The following CAMTA1 variants were observed in gnomAD, a reference collection of about 807,000 sequenced individuals.
CAMTA1 encodes the protein calmodulin-binding transcription activator 1.
In CAMTA1, 27 loss-of-function variants were observed where a neutral mutation model predicts 170.9. The ratio of observed to expected loss-of-function variants is 0.16; its 90% CI spans 0.12 to 0.22. CAMTA1 has a LOEUF of 0.22. Among genes scored for constraint, CAMTA1 ranks in the 10% least tolerant of loss-of-function variants. The pLI is 1.00. For missense variants in CAMTA1, 1,619 were observed against 2,217.2 expected (o/e 0.73, Z 5.42); for synonymous variants, 833 against 891.5 (o/e 0.93, Z 1.17).
At chr1:7,647,281 G>GC (rs1332042749) in intron 7 of CAMTA1, among the ~76,000 whole-genome samples, 1 of 151,908 alleles carries the variant, frequency 6.6e-6, no homozygotes, top group Non-Finnish European at 1.5e-5. Flanking sequence ...ATCCAGAAGG[G>GC]GGGGGGGCTG....
intron 12 of CAMTA1, among the ~76,000 whole-genome samples, chr1:7,735,595 A>G (rs559747233): frequency 9.5e-4 from 145 of 152,148 alleles, no homozygotes; most frequent in African/African-American, 3.2e-3. Flanking sequence ...TTTTTGTTTA[A>G]GGCTGTGTAC....
At chr1:7,563,252 A>G (rs2094984973) in intron 6 of CAMTA1, among the ~76,000 whole-genome samples, 1 of 152,124 alleles carries the variant, frequency 6.6e-6, no homozygotes, top group South Asian at 2.1e-4. Context: ...TACCTGCCAG[A>G]GTCTTCCGCG....
chr1:7,266,465 T>C (rs571322819), intron 5 of CAMTA1, among the ~76,000 whole-genome samples: 1 of 152,346 alleles, frequency 6.6e-6, no homozygotes, highest in African/African-American at 2.4e-5. Flanking sequence ...CTTCCCTGCA[T>C]CCATTTATTG....
chr1:7,646,125 G>A (rs368997812), intron 7 of CAMTA1, among the ~76,000 whole-genome samples: 19 of 151,252 alleles, frequency 1.3e-4, no homozygotes, highest in African/African-American at 3.4e-4. Context: ...AAGTGTGAGC[G>A]GAGGCCCCGT....
intron 6 of CAMTA1, among the ~76,000 whole-genome samples, chr1:7,499,870 G>T (rs1232310669): frequency 6.9e-6 from 1 of 144,712 alleles, no homozygotes; most frequent in Non-Finnish European, 1.5e-5. Context: ...GTATATAGAG[G>T]ATTGTGTGAG....
intron 11 of CAMTA1, among the ~76,000 whole-genome samples, chr1:7,692,529 G>A (rs1001070259): frequency 6.6e-6 from 1 of 152,076 alleles, no homozygotes; most frequent in African/African-American, 2.4e-5. Context: ...ACGAAAGAAA[G>A]AATGAATGAA....
intron 7 of CAMTA1, among the ~76,000 whole-genome samples, chr1:7,647,738 T>C (rs1253165900): frequency 6.6e-6 from 1 of 152,126 alleles, no homozygotes; most frequent in Non-Finnish European, 1.5e-5. Context: ...CGAGCCTGAC[T>C]AGGAACAGGT....
chr1:7,021,195 G>A (rs950199376), intron 3 of CAMTA1, among the ~76,000 whole-genome samples: 4 of 152,230 alleles, frequency 2.6e-5, no homozygotes, highest in African/African-American at 9.6e-5. Flanking sequence ...TTACATGGGT[G>A]GCTTCTGAAC....
At chr1:7,460,992 G>C (rs1388365984) in intron 5 of CAMTA1, among the ~76,000 whole-genome samples, 2 of 152,136 alleles carry the variant, frequency 1.3e-5, no homozygotes, top group African/African-American at 2.4e-5. Flanking sequence ...TGCTAGGACT[G>C]GGGCAGGGCT....
At chr1:7,275,083 A>G (rs1670373316) in intron 5 of CAMTA1, among the ~76,000 whole-genome samples, 1 of 140,990 alleles carries the variant, frequency 7.1e-6, no homozygotes, top group African/African-American at 2.6e-5. Flanking sequence ...CGGAGGTTGC[A>G]GTGAGCCGAG....
At chr1:7,412,820 A>G (rs1290561941) in intron 5 of CAMTA1, among the ~76,000 whole-genome samples, 1 of 152,146 alleles carries the variant, frequency 6.6e-6, no homozygotes, top group African/African-American at 2.4e-5. Flanking sequence ...TTAGACATGA[A>G]GTCCTTGCCC....
At chr1:7,182,144 C>G (rs1262894816) in intron 4 of CAMTA1, among the ~76,000 whole-genome samples, 1 of 151,966 alleles carries the variant, frequency 6.6e-6, no homozygotes, top group Non-Finnish European at 1.5e-5. Flanking sequence ...CCGGGATGAC[C>G]AGGCAGCCTT....
At chr1:7,039,204 T>C (rs1704066603) in intron 3 of CAMTA1, among the ~76,000 whole-genome samples, 1 of 152,214 alleles carries the variant, frequency 6.6e-6, no homozygotes, top group South Asian at 2.1e-4. Flanking sequence ...CCATTTAATA[T>C]ACTGTTGGAG....
chr1:7,316,148 T>C (rs1185493606), intron 5 of CAMTA1, among the ~76,000 whole-genome samples: 1 of 152,110 alleles, frequency 6.6e-6, no homozygotes, highest in East Asian at 1.9e-4. Context: ...CCTGCGGTGA[T>C]CCAATTACCT....
At chr1:6,826,678 T>G (rs187465600) in intron 3 of CAMTA1, among the ~76,000 whole-genome samples, 1 of 152,372 alleles carries the variant, frequency 6.6e-6, no homozygotes, top group African/African-American at 2.4e-5. Flanking sequence ...TTTTCCATAT[T>G]ATATTTCCTG....
chr1:7,125,969 G>C (rs1644909734), intron 4 of CAMTA1, among the ~76,000 whole-genome samples: 1 of 152,142 alleles, frequency 6.6e-6, no homozygotes, highest in Admixed American at 6.5e-5. Context: ...AGGTTTTAAT[G>C]AACTGACAGT....
At chr1:7,411,814 T>C (rs1225329863) in intron 5 of CAMTA1, among the ~76,000 whole-genome samples, 1 of 152,054 alleles carries the variant, frequency 6.6e-6, no homozygotes, top group Non-Finnish European at 1.5e-5. Flanking sequence ...ATGTGCAGGT[T>C]TGTTACATAT....
At position 7,276,303 on chromosome 1, in the gene CAMTA1, A is replaced by ATAATTTTTT; in HGVS notation, c.438+26678_438+26679insAATTTTTTT. Among the ~76,000 whole-genome samples the ATAATTTTTT allele has an allele frequency of 1.2e-4, 3 of 24,232 alleles. 1 individual carries two copies. Among genetic ancestry groups the ATAATTTTTT allele is most frequent in the African/African-American group, 8.9e-4 (3 of 3,364 alleles). 15.9% of individuals were successfully genotyped at this position (24,232 alleles called of 152,430 possible). ...CATATATATATATATATATATATAT[A>ATAATTTTTT]TTTTTTTTTTTTTTTTTTCTTTTTG... On this transcript the variant is annotated intron_variant, in intron 5 of 22. Coordinates refer to ENST00000303635, the MANE Select transcript of CAMTA1 (RefSeq NM_015215.4).
chr1:6,789,916 TC>T (rs1326356209), intron 1 of CAMTA1, among the ~76,000 whole-genome samples: 1 of 149,452 alleles, frequency 6.7e-6, no homozygotes, highest in African/African-American at 2.5e-5. Context: ...TTCAAGCAAT[TC>T]TCTTGCCTCA....
Sources: gnomAD v4.1 joint callset for allele counts (sites outside exome capture counted in the v4.1 genomes callset) on GRCh38, gnomAD v4.1.1 for gene constraint, MANE v1.5 for transcripts, NCBI Gene and HGNC (gene_info 2026-07-23, HGNC 2026-07-21) for gene names.